Variants in FAM47C observed in about 807,000 individuals in gnomAD.
The protein encoded by FAM47C is putative protein FAM47C.
For missense variants in FAM47C, 847 were observed against 879.9 expected, an observed-to-expected ratio of 0.96 and a Z score of 0.47; for synonymous variants, 307 against 346.5, an observed-to-expected ratio of 0.89 and a Z score of 1.27.
chrX:37,010,972 C>T lies in FAM47C; in HGVS notation c.2562C>T (p.Asp854=). ...GACACACATCGAGAAAACTCCGTGA[C>T]TTCAAGTGGGCTGGAGACCTAGGAG... ...QRRHTSRKLR[D]FKWAGDLGVN... The change falls in exon 1 of 1, where the codon GAC becomes GAT. Residue 854 remains aspartate, a synonymous_variant. Transcript: ENST00000358047. The T allele has an allele frequency of 8.2e-7, 1 of 1,212,295 alleles. No individual in the cohort carries two copies. Among genetic ancestry groups the T allele is most frequent in the Non-Finnish European group, 1.1e-6 (1 of 895,662 alleles).
At position 37,010,537 on chromosome X, in the gene FAM47C, T is replaced by C; in HGVS notation, c.2127T>C (p.Thr709=). ...VSRLHPEPPK[T]RVSSLHAEPP... is the part of the protein sequence containing the mutation. ...GTCTCCACCCAGAGCCTCCCAAGAC[T>C]CGGGTGTCCAGTCTCCACGCGGAGC... is the stretch of plus-strand genomic sequence containing the variant. Residue 709 remains threonine (T), a synonymous_variant, in exon 1 of 1, where the codon ACT becomes ACC. Transcript: ENST00000358047. 1 of 1,205,210 alleles carries C rather than the reference T, an allele frequency of 8.3e-7. No homozygotes were observed. The highest frequency in any genetic ancestry group is 1.8e-5 in the South Asian group (1 of 56,507).
rs1556332838 is a variant in FAM47C, at chrX:37,010,271, G to A, written c.1861G>A (p.Glu621Lys). ...GACTCGCGTATCTCATCTCCGCCCA[G>A]AGCCTCCTGAGACTGGAGTGTCCCA... ...PETRVSHLRP[E>K]PPETGVSHLR... Residue 621 changes from glutamate to lysine, a missense_variant, in exon 1 of 1, where the codon GAG becomes AAG. Glu to Lys is a moderately conservative substitution (Grantham distance 56). Coordinates refer to ENST00000358047, the MANE Select transcript of FAM47C (RefSeq NM_001013736.3). 8.5e-7 allele frequency: 1 copy of A among 1,182,972 alleles called. No individual in the cohort carries two copies. The highest frequency in any genetic ancestry group is 3.0e-5 in the East Asian group (1 of 32,842).
chrX:37,011,253 G>A lies in FAM47C; in HGVS notation c.2843G>A (p.Gly948Glu), dbSNP rs1927793947. 1.7e-6 allele frequency: 2 copies of A among 1,210,625 alleles called. No homozygotes were observed. The highest frequency in any genetic ancestry group is 1.7e-5 in the African/African-American group (1 of 57,747). ...YGAWYLKPKL[G>E]KKLRSDEPLI... The stretch of plus-strand genomic sequence containing the variant: ...GCATGGTACCTCAAGCCTAAGTTGG[G>A]GAAAAAGCTAAGAAGTGATGAACCT... Residue 948 changes from glycine to glutamate, a missense_variant, in exon 1 of 1, where the codon GGG becomes GAG. Transcript: ENST00000358047.
Position 37,011,037 on chromosome X carries a change from C to T in FAM47C, c.2627C>T (p.Pro876Leu), listed in dbSNP as rs782528684. 8.3e-7 allele frequency: 1 copy of T among 1,210,524 alleles called. No individual in the cohort carries two copies. The highest frequency in any genetic ancestry group is 1.1e-6 in the Non-Finnish European group (1 of 895,418). ...ATCAGCAGTCTGTTTGACTTTACCC[C>T]TGAGTGCAGAGCAACCTATCAAGAC... is the stretch of plus-strand genomic sequence containing the variant. ...ESISSLFDFTPECRATYQDQK... is the reference protein window; with the variant it reads ...ESISSLFDFTLECRATYQDQK... Residue 876 changes from proline to leucine, a missense_variant, in exon 1 of 1, where the codon CCT (proline) becomes CTT (leucine). Pro to Leu is a moderately conservative substitution (Grantham distance 98, BLOSUM62 -3). Transcript: ENST00000358047.
Position 37,010,267 on chromosome X carries a change from C to A in FAM47C, c.1857C>A (p.Arg619=). ...CAGAGACTCGCGTATCTCATCTCCG[C>A]CCAGAGCCTCCTGAGACTGGAGTGT... is the stretch of plus-strand genomic sequence containing the variant. ...EPPETRVSHL[R]PEPPETGVSH... is the part of the protein sequence containing the mutation. Residue 619 remains arginine, a synonymous_variant, in exon 1 of 1, where the codon CGC becomes CGA. Transcript: ENST00000358047. 1 of 1,184,981 alleles carries A rather than the reference C, an allele frequency of 8.4e-7. No individual in the cohort carries two copies. The highest frequency in any genetic ancestry group is 1.1e-6 in the Non-Finnish European group (1 of 886,786).
chrX:37,009,466 C>T lies in FAM47C; in HGVS notation c.1056C>T (p.Ser352=), dbSNP rs1556332098. 3.3e-6 allele frequency: 4 copies of T among 1,207,915 alleles called. No homozygotes were observed. Among genetic ancestry groups the T allele is most frequent in the Non-Finnish European group, 4.5e-6 (4 of 894,241 alleles). Residue 352 remains serine, a synonymous_variant, in exon 1 of 1, where the codon TCC becomes TCT. Transcript: ENST00000358047. The part of the protein sequence containing the change: ...LHPEPPETGV[S]HLCPEPPETR... ...CAGAGCCTCCCGAGACTGGAGTGTC[C>T]CATCTCTGCCCGGAACCTCCAGAGA...
Position 37,009,578 on chromosome X carries a change from C to T in FAM47C, c.1168C>T (p.Leu390Phe), listed in dbSNP as rs782548443. The T allele has an allele frequency of 1.7e-6, 2 of 1,209,928 alleles. No individual in the cohort carries two copies. Among genetic ancestry groups the T allele is most frequent in the South Asian group, 3.5e-5 (2 of 56,830 alleles). The stretch of plus-strand genomic sequence containing the variant: ...ACCTCCCAAGACTCGCGTACCTCCT[C>T]TCCGCCCAGAGACCCCCAAGAATGG... ...PEPPKTRVPP[L>F]RPETPKNGVS... The change falls in exon 1 of 1, where the codon CTC (leucine) becomes TTC (phenylalanine). Residue 390 changes from leucine to phenylalanine, a missense_variant. Leu to Phe is a conservative substitution (Grantham distance 22). Coordinates refer to ENST00000358047, the MANE Select transcript of FAM47C (RefSeq NM_001013736.3).
rs149060980 is a variant in FAM47C at position 37,009,928 on chromosome X, C to T, written c.1518C>T (p.Arg506=). 44 of 1,191,116 alleles carry T rather than the reference C, an allele frequency of 3.7e-5. No individual in the cohort carries two copies. In the African/African-American group the frequency reaches 7.3e-4, roughly 20 times the overall value. ...SHLCPEPPKT[R]VSHLRPEPSE... is the part of the protein sequence containing the mutation. ...TCTGCCCAGAGCCCCCCAAGACACG[C>T]GTATCTCATCTCCGCCCAGAGCCTT... is the stretch of plus-strand genomic sequence containing the variant. Residue 506 remains arginine, a synonymous_variant, in exon 1 of 1, where the codon CGC becomes CGT. Coordinates refer to ENST00000358047, the MANE Select transcript of FAM47C (RefSeq NM_001013736.3).
chrX:37,009,509 C>G lies in FAM47C; in HGVS notation c.1099C>G (p.Arg367Gly), dbSNP rs1556332120. The change falls in exon 1 of 1, where the codon CGC becomes GGC. Residue 367 changes from arginine to glycine, a missense_variant. By Grantham distance (125) the Arg-to-Gly change is moderately radical. Coordinates refer to ENST00000358047, the MANE Select transcript of FAM47C (RefSeq NM_001013736.3). ...EPPETRVSPL[R>G]QLPPEAGVSH... Reference sequence around the variant, plus strand: ...TCCAGAGACTCGCGTATCTCCTCTCCGCCAGCTGCCTCCCGAGGCTGGAGT... The same window carrying G: ...TCCAGAGACTCGCGTATCTCCTCTCGGCCAGCTGCCTCCCGAGGCTGGAGT... 8.3e-7 allele frequency: 1 copy of G among 1,204,121 alleles called. No homozygotes were observed. The highest frequency in any genetic ancestry group is 1.8e-5 in the South Asian group (1 of 56,346).
Position 37,008,388 on chromosome X carries a change from G to C in FAM47C, c.-23G>C, listed in dbSNP as rs1339853214. The stretch of plus-strand genomic sequence containing the variant: ...ATCAGGAACCGCGGAAACTGGAGAG[G>C]TGGCACCCCAGCGAGGGCCACCATG... On this transcript the variant is annotated 5_prime_UTR_variant, in exon 1 of 1. Transcript: ENST00000358047. The C allele has an allele frequency of 8.5e-7, 1 of 1,173,164 alleles. No homozygotes were observed. The highest frequency in any genetic ancestry group is 1.8e-5 in the African/African-American group (1 of 56,714).
chrX:37,011,577 A>ATCAT lies in FAM47C; in HGVS notation c.*59_*60insTCAT. The ATCAT allele has an allele frequency of 9.8e-7, 1 of 1,015,778 alleles. No individual in the cohort carries two copies. 83.7% of individuals were successfully genotyped at this position (1,015,778 alleles called of 1,213,427 possible). A position where few individuals can be genotyped will look rare whatever the true frequency, so the allele number is the denominator to read the frequency against. ...CTTGCTCTCATTTTAAACATCAGTC[A>ATCAT]GAATTTATGATGACTGGCCCCAGGA... On this transcript the variant is annotated 3_prime_UTR_variant, in exon 1 of 1. Coordinates refer to ENST00000358047, the MANE Select transcript of FAM47C (RefSeq NM_001013736.3).
chrX:37,011,059 A>T lies in FAM47C; in HGVS notation c.2649A>T (p.Gln883His). ...CCCCTGAGTGCAGAGCAACCTATCA[A>T]GACCAAAAGAATAAGAAGGCAAACG... ...DFTPECRATY[Q>H]DQKNKKANEC... The change falls in exon 1 of 1, where the codon CAA becomes CAT. Residue 883 changes from glutamine (Q) to histidine (H), a missense_variant. By Grantham distance (24) the Gln-to-His change is conservative. Coordinates refer to ENST00000358047, the MANE Select transcript of FAM47C (RefSeq NM_001013736.3). The T allele has an allele frequency of 8.3e-7, 1 of 1,212,113 alleles. No homozygotes were observed. The highest frequency in any genetic ancestry group is 1.1e-6 in the Non-Finnish European group (1 of 895,628).
chrX:37,009,505 T>A lies in FAM47C; in HGVS notation c.1095T>A (p.Pro365=). 1 of 1,206,246 alleles carries A rather than the reference T, an allele frequency of 8.3e-7. No individual in the cohort carries two copies. The change falls in exon 1 of 1, where the codon CCT becomes CCA. Residue 365 remains proline, a synonymous_variant. Coordinates refer to ENST00000358047, the MANE Select transcript of FAM47C (RefSeq NM_001013736.3). ...AACCTCCAGAGACTCGCGTATCTCC[T>A]CTCCGCCAGCTGCCTCCCGAGGCTG... The part of the protein sequence containing the change: ...CPEPPETRVS[P]LRQLPPEAGV...
chrX:37,011,417 A>G lies in FAM47C; in HGVS notation c.3007A>G (p.Arg1003Gly), dbSNP rs1556333455. 3.3e-6 allele frequency: 4 copies of G among 1,210,651 alleles called. No homozygotes were observed. In the Admixed American group the frequency reaches 6.5e-5, roughly 20 times the overall value. The change falls in exon 1 of 1, where the codon AGG becomes GGG. Residue 1003 changes from arginine to glycine, a missense_variant. Arg to Gly is a moderately radical substitution (Grantham distance 125, BLOSUM62 -2). Transcript: ENST00000358047. ...TGGCATCATTCAAAGGCTGTTTGCC[A>G]GGAGGGGATGGACTTATGACTCTGT... ...MPGIIQRLFA[R>G]RGWTYDSVKT...
rs1280758901 is a variant in FAM47C, at chrX:37,011,049, C to T, written c.2639C>T (p.Ala880Val). ...TTTGACTTTACCCCTGAGTGCAGAGCAACCTATCAAGACCAAAAGAATAAG... is the reference window on the plus strand; with the variant it reads ...TTTGACTTTACCCCTGAGTGCAGAGTAACCTATCAAGACCAAAAGAATAAG... Reference protein sequence around the residue: ...SLFDFTPECRATYQDQKNKKA... With the variant: ...SLFDFTPECRVTYQDQKNKKA... Residue 880 changes from alanine to valine, a missense_variant, in exon 1 of 1, where the codon GCA becomes GTA. Physicochemically the swap from Ala to Val is moderately conservative, Grantham distance 64. Transcript: ENST00000358047. 116 of 1,210,390 alleles carry T rather than the reference C, an allele frequency of 9.6e-5. No individual in the cohort carries two copies. Among genetic ancestry groups the T allele is most frequent in the Non-Finnish European group, 1.3e-4 (113 of 895,383 alleles).
chrX:37,009,776 A>C lies in FAM47C; in HGVS notation c.1366A>C (p.Lys456Gln). The stretch of plus-strand genomic sequence containing the variant: ...GTCCCATCTCCGCCCAGAGCCTCCC[A>C]AGACTCGGGTGTCCAGTCTCCACCT... ...GVSHLRPEPP[K>Q]TRVSSLHLEP... is the part of the protein sequence containing the mutation. The change falls in exon 1 of 1, where the codon AAG becomes CAG. Residue 456 changes from lysine to glutamine, a missense_variant. Lys to Gln is a moderately conservative substitution (Grantham distance 53). Transcript: ENST00000358047. 1 of 1,201,272 alleles carries C rather than the reference A, an allele frequency of 8.3e-7. No homozygotes were observed. The highest frequency in any genetic ancestry group is 3.0e-5 in the East Asian group (1 of 33,371).
Position 37,009,894 on chromosome X carries a change from T to A in FAM47C, c.1484T>A (p.Val495Glu). The A allele has an allele frequency of 1.7e-6, 2 of 1,202,477 alleles. No individual in the cohort carries two copies. Among genetic ancestry groups the A allele is most frequent in the Non-Finnish European group, 2.2e-6 (2 of 892,262 alleles). Residue 495 changes from valine to glutamate, a missense_variant, in exon 1 of 1, where the codon GTG becomes GAG. Coordinates refer to ENST00000358047, the MANE Select transcript of FAM47C (RefSeq NM_001013736.3). ...CGCCCAGAGCCTCCCGACACTGGAG[T>A]GTCCCATCTCTGCCCAGAGCCCCCC... ...HLRPEPPDTG[V>E]SHLCPEPPKT...
chrX:37,011,219 G>A lies in FAM47C; in HGVS notation c.2809G>A (p.Gly937Arg). The change falls in exon 1 of 1, where the codon GGG (glycine) becomes AGG (arginine). Residue 937 changes from glycine to arginine, a missense_variant. Transcript: ENST00000358047. ...TCATAGTGCACAGCATGTGAAGATG[G>A]GGTATGGAGCATGGTACCTCAAGCC... is the stretch of plus-strand genomic sequence containing the variant. ...NSHSAQHVKM[G>R]YGAWYLKPKL... 8.3e-7 allele frequency: 1 copy of A among 1,211,308 alleles called. No homozygotes were observed. The highest frequency in any genetic ancestry group is 1.1e-6 in the Non-Finnish European group (1 of 895,290).
rs782517033 is a variant in FAM47C, at chrX:37,009,835, C to A, written c.1425C>A (p.Cys475Ter). The A allele has an allele frequency of 1.9e-5, 23 of 1,202,162 alleles. No individual in the cohort carries two copies. The highest frequency in any genetic ancestry group is 2.6e-5 in the Non-Finnish European group (23 of 892,271). ...CTGAGACTGGAGTGTCCCATCTCTG[C>A]CCGGAGCCTCCAGAGAAGGACGTAT... Reference protein sequence around the residue: ...EPPETGVSHLCPEPPEKDVSH... With the variant: ...EPPETGVSHL Residue 475 changes from cysteine (C) to a stop codon, truncating the protein, a stop_gained, in exon 1 of 1, where the codon TGC becomes TGA. Transcript: ENST00000358047. LOFTEE classifies it low-confidence loss of function (END_TRUNC).
Sources: gnomAD v4.1 joint callset for allele counts on GRCh38, gnomAD v4.1.1 for gene constraint, MANE v1.5 for transcripts, NCBI Gene and HGNC (gene_info 2026-07-23, HGNC 2026-07-21) for gene names.